SLC16A7: variants seen among roughly 807,000 people sequenced by gnomAD.
The protein encoded by SLC16A7 is monocarboxylate transporter 2.
A neutral mutation model predicts 34.9 loss-of-function variants in SLC16A7; 33 were observed. The ratio of observed to expected loss-of-function variants is 0.94; its 90% confidence interval spans 0.72 to 1.26. The LOEUF is 1.26. Ranked by LOEUF, SLC16A7 falls within the 50% of genes most tolerant of loss-of-function variation. The pLI is 0.00. For missense variants in SLC16A7, 573 were observed against 578.1 expected (o/e 0.99, Z 0.09); for synonymous variants, 201 against 206.6 (o/e 0.97, Z 0.23).
At chr12:59,601,484 C>T (rs1193395672) in intron 1 of SLC16A7, among the ~76,000 whole-genome samples, 1 of 152,124 alleles carries the variant, frequency 6.6e-6, no homozygotes, top group Non-Finnish European at 1.5e-5. Flanking sequence ...AAGGCAAATT[C>T]AGTGATAAAT....
rs1883117901 is a variant in SLC16A7 at position 59,779,909 on chromosome 12, T to C, written c.*230T>C. On this transcript the variant is annotated 3_prime_UTR_variant, in exon 6 of 6. Transcript: ENST00000547379. The stretch of plus-strand genomic sequence containing the variant: ...AGAAAGAATCCATGCTATAGGTTTA[T>C]TTCCATACCTGACTCTGGGTGTGGT... 5.1e-6 allele frequency: 2 copies of C among 395,694 alleles called. No individual in the cohort carries two copies. Among genetic ancestry groups the C allele is most frequent in the East Asian group, 9.3e-5 (2 of 21,472 alleles). 24.5% of individuals were successfully genotyped at this position (395,694 alleles called of 1,614,324 possible). A position where few individuals can be genotyped will look rare whatever the true frequency, so the allele number is the denominator to read the frequency against.
intron 3 of SLC16A7, among the ~76,000 whole-genome samples, chr12:59,717,980 G>T (rs894149438): frequency 6.6e-6 from 1 of 152,122 alleles, no homozygotes; most frequent in African/African-American, 2.4e-5. Flanking sequence ...AGGAGGGGCA[G>T]TAATAGTGTC....
intron 3 of SLC16A7, among the ~76,000 whole-genome samples, chr12:59,742,444 C>G (rs892898740): frequency 6.6e-6 from 1 of 152,204 alleles, no homozygotes; most frequent in African/African-American, 2.4e-5. Context: ...GAAAAGCCCA[C>G]TCTTGCCCTG....
In SLC16A7 at chr12:59,616,527, AAT is replaced by A. The variant is rs1879457837; in HGVS notation, c.-130+20294_-130+20295del. ...ATTAGTTTTTAAAATACAAAAAAGA[AAT>A]ATGTGCAGTTGATTTTTAAGTTATC... On this transcript the variant is annotated intron_variant, in intron 1 of 5. Coordinates refer to ENST00000547379, the MANE Select transcript of SLC16A7 (RefSeq NM_001270623.2). Among the ~76,000 whole-genome samples, 5 of 152,156 alleles carry A rather than the reference AAT, an allele frequency of 3.3e-5. No homozygotes were observed. In the South Asian group the frequency reaches 8.3e-4, roughly 25 times the overall value.
chr12:59,762,473 A>G (rs1340001704), intron 3 of SLC16A7, among the ~76,000 whole-genome samples: 2 of 152,196 alleles, frequency 1.3e-5, no homozygotes, highest in East Asian at 1.9e-4. Context: ...TTATTTATTT[A>G]TATCTCTAAA....
chr12:59,669,699 G>T (rs189026158), intron 2 of SLC16A7, among the ~76,000 whole-genome samples: 2 of 105,970 alleles, frequency 1.9e-5, no homozygotes, highest in African/African-American at 3.9e-5. Flanking sequence ...TTATCTAAAC[G>T]GGAGAGAAAC....
chr12:59,658,906 C>A (rs997678866), intron 2 of SLC16A7, among the ~76,000 whole-genome samples: 13 of 151,948 alleles, frequency 8.6e-5, no homozygotes, highest in Non-Finnish European at 1.3e-4. Context: ...AATAATCAGT[C>A]AAATTTGCTA....
intron 2 of SLC16A7, among the ~76,000 whole-genome samples, chr12:59,685,808 T>C (rs1295874125): frequency 2.6e-5 from 4 of 152,142 alleles, no homozygotes; most frequent in African/African-American, 9.6e-5. Flanking sequence ...TTGAGCTAAA[T>C]TGTACCAGTT....
chr12:59,761,432 CAA>C (rs1340224796), intron 3 of SLC16A7, among the ~76,000 whole-genome samples: 1 of 152,016 alleles, frequency 6.6e-6, no homozygotes, highest in African/African-American at 2.4e-5. Flanking sequence ...ATTTGTTATA[CAA>C]AGAGTACAGA....
At chr12:59,708,414 A>G (rs1289463995) in intron 3 of SLC16A7, among the ~76,000 whole-genome samples, 1 of 152,162 alleles carries the variant, frequency 6.6e-6, no homozygotes, top group Non-Finnish European at 1.5e-5. Flanking sequence ...ACTGTTGTAG[A>G]AGAAAATCAC....
At chr12:59,665,792 CTTT>C (rs1477702394) in intron 2 of SLC16A7, among the ~76,000 whole-genome samples, 1 of 147,672 alleles carries the variant, frequency 6.8e-6, no homozygotes, top group Non-Finnish European at 1.5e-5. Context: ...ATACATATAA[CTTT>C]TATATATATA....
At chr12:59,670,781 A>G (rs377510589) in intron 2 of SLC16A7, among the ~76,000 whole-genome samples, 10 of 152,184 alleles carry the variant, frequency 6.6e-5, no homozygotes, top group East Asian at 5.8e-4. Flanking sequence ...AGGCTTGGCA[A>G]TCATGATCTG....
At chr12:59,732,025 G>A (rs921173753) in intron 3 of SLC16A7, among the ~76,000 whole-genome samples, 1 of 152,016 alleles carries the variant, frequency 6.6e-6, no homozygotes, top group Non-Finnish European at 1.5e-5. Context: ...ACAAAAGTGT[G>A]AAGGTCTTTA....
chr12:59,765,792 C>T (rs1448317113), intron 3 of SLC16A7, among the ~76,000 whole-genome samples: 2 of 152,156 alleles, frequency 1.3e-5, no homozygotes, highest in East Asian at 1.9e-4. Flanking sequence ...GTTCTTTTGA[C>T]TTAAGATTGA....
chr12:59,729,497 A>G (rs1876681543), intron 3 of SLC16A7, among the ~76,000 whole-genome samples: 1 of 152,046 alleles, frequency 6.6e-6, no homozygotes, highest in Non-Finnish European at 1.5e-5. Flanking sequence ...TTTCATTCCT[A>G]TCATTTGGTT....
rs900269269 is a variant in SLC16A7, at chr12:59,784,996, C to A, written c.*5317C>A. 1 of 152,124 alleles carries A rather than the reference C, an allele frequency of 6.6e-6. No individual in the cohort carries two copies. The allele number at this position is 152,124 out of a possible 1,614,324, so 9.4% of individuals were successfully genotyped here. On this transcript the variant is annotated 3_prime_UTR_variant, in exon 6 of 6. Transcript: ENST00000547379. ...AACCATTCAGAGCACTAATTAGCAT[C>A]TATATTGAGAATATAAGATTAATAT... is the stretch of plus-strand genomic sequence containing the variant.
rs1244887501 is a variant in SLC16A7, at chr12:59,784,676, T to C, written c.*4997T>C. On this transcript the variant is annotated 3_prime_UTR_variant, in exon 6 of 6. Coordinates refer to ENST00000547379, the MANE Select transcript of SLC16A7 (RefSeq NM_001270623.2). ...ATCTAGACTTTTGCAGTCCTTAGAC[T>C]ATAGTTCTCCTTAGCTCTATTCAAA... is the stretch of plus-strand genomic sequence containing the variant. 6.6e-6 allele frequency: 1 copy of C among 152,202 alleles called. No individual in the cohort carries two copies. Among genetic ancestry groups the C allele is most frequent in the Non-Finnish European group, 1.5e-5 (1 of 68,034 alleles). The allele number at this position is 152,202 out of a possible 1,614,324, so 9.4% of individuals were successfully genotyped here. A position where few individuals can be genotyped will look rare whatever the true frequency, so the allele number is the denominator to read the frequency against.
chr12:59,702,635 A>T (rs1873024470), intron 2 of SLC16A7, among the ~76,000 whole-genome samples: 1 of 152,102 alleles, frequency 6.6e-6, no homozygotes, highest in African/African-American at 2.4e-5. Flanking sequence ...AGTTTCCATG[A>T]CATTTTTTGG....
intron 1 of SLC16A7, among the ~76,000 whole-genome samples, chr12:59,636,275 C>G (rs1449249454): frequency 6.6e-6 from 1 of 151,932 alleles, no homozygotes; most frequent in Non-Finnish European, 1.5e-5. Context: ...AAGAAACAAT[C>G]AAAGAGGAAA....
Sources: gnomAD v4.1 joint callset for allele counts (sites outside exome capture counted in the v4.1 genomes callset) on GRCh38, gnomAD v4.1.1 for gene constraint, MANE v1.5 for transcripts, NCBI Gene and HGNC (gene_info 2026-07-23, HGNC 2026-07-21) for gene names.